The following SYT9 variants were observed in gnomAD, a reference collection of about 807,000 sequenced individuals.
SYT9 encodes synaptotagmin 9.
Under a neutral mutation model 48.4 loss-of-function variants are expected in SYT9, and 22 were observed. The ratio of observed to expected loss-of-function variants is 0.45; its 90% confidence interval spans 0.32 to 0.65. The LOEUF (loss-of-function observed/expected upper bound fraction) is 0.65, where lower values mean the gene tolerates loss of function less well. Ranked by LOEUF, SYT9 falls within the 30% of genes least tolerant of loss-of-function variation. The probability of loss-of-function intolerance (pLI) is 0.03; values close to 1 mark genes in which losing one functional copy is unlikely to be tolerated. For synonymous variants in SYT9, 265 were observed against 245.0 expected, an observed-to-expected ratio of 1.08 and a Z score of -0.76; for missense variants, 577 against 622.0, an observed-to-expected ratio of 0.93 and a Z score of 0.77.
At chr11:7,364,490 A>G (rs78019752) in intron 3 of SYT9, among the ~76,000 whole-genome samples, 4,328 of 152,326 alleles carry the variant, frequency 0.028, 185 homozygotes, top group African/African-American at 0.094. Context: ...ATAAAGAAAC[A>G]AATGTTAAAT....
intron 3 of SYT9, among the ~76,000 whole-genome samples, chr11:7,355,831 C>T (rs116789025): frequency 6.6e-6 from 1 of 152,312 alleles, no homozygotes; most frequent in African/African-American, 2.4e-5. Flanking sequence ...AACTGATCCA[C>T]AGTTGTACTG....
intron 3 of SYT9, among the ~76,000 whole-genome samples, chr11:7,383,134 C>T (rs1453501054): frequency 1.3e-5 from 2 of 152,184 alleles, no homozygotes; most frequent in Non-Finnish European, 2.9e-5. Context: ...CTATTAACGT[C>T]GTCCATGTTA....
chr11:7,455,993 C>T (rs1848145144), intron 6 of SYT9, among the ~76,000 whole-genome samples: 1 of 152,164 alleles, frequency 6.6e-6, no homozygotes, highest in South Asian at 2.1e-4. Context: ...TTAGGTGCCA[C>T]CTCCTCCATG....
chr11:7,246,735 G>A (rs1057055994), intron 1 of SYT9, among the ~76,000 whole-genome samples: 1 of 152,274 alleles, frequency 6.6e-6, no homozygotes, highest in South Asian at 2.1e-4. Flanking sequence ...TTGTGGGTGA[G>A]AAATTTGGTA....
chr11:7,394,149 C>T (rs1477105520), intron 3 of SYT9, among the ~76,000 whole-genome samples: 2 of 143,542 alleles, frequency 1.4e-5, no homozygotes. Context: ...GTGTGATGTT[C>T]CCCTTCCTGT....
chr11:7,313,516 T>C lies in SYT9; in HGVS notation c.619T>C (p.Ser207Pro). 6.2e-7 allele frequency: 1 copy of C among 1,613,974 alleles called. No individual in the cohort carries two copies. Among genetic ancestry groups the C allele is most frequent in the East Asian group, 2.2e-5 (1 of 44,862 alleles). The change falls in exon 3 of 7, where the codon TCA (serine) becomes CCA (proline). Residue 207 changes from serine to proline, a missense_variant. Transcript: ENST00000318881. ...RIKPELYKQRSLDNDDGRRSN... is the reference protein window; with the variant it reads ...RIKPELYKQRPLDNDDGRRSN... Reference sequence around the variant, plus strand: ...TAAACCAGAGTTATATAAGCAGAGGTCATTGGATAATGATGACGGGAGACG... The same window carrying C: ...TAAACCAGAGTTATATAAGCAGAGGCCATTGGATAATGATGACGGGAGACG...
At chr11:7,395,957 G>A (rs920071408) in intron 3 of SYT9, among the ~76,000 whole-genome samples, 1 of 151,946 alleles carries the variant, frequency 6.6e-6, no homozygotes, top group African/African-American at 2.4e-5. Flanking sequence ...ATGTGTTTTT[G>A]TGGTAACAGA....
rs188350556 is a variant in SYT9 at position 7,241,257 on chromosome 11, A to C, written c.49+2341A>C. Among the ~76,000 whole-genome samples the C allele has an allele frequency of 2.2e-3, 314 of 145,502 alleles. 6 individuals carry two copies. The East Asian group carries it at 0.051, about 24-fold the overall frequency. The stretch of plus-strand genomic sequence containing the variant: ...ACACACGCACACACTCACCCCCCCC[A>C]CACACAGCACATATCTTAGAGATCT... On this transcript the variant is annotated intron_variant and NMD_transcript_variant, in intron 1 of 8. Transcript: ENST00000524820.
chr11:7,272,752 G>A (rs1355656569), intron 1 of SYT9, among the ~76,000 whole-genome samples: 1 of 152,218 alleles, frequency 6.6e-6, no homozygotes, highest in African/African-American at 2.4e-5. Flanking sequence ...CTTGGAGGAA[G>A]TGGTGTCAAG....
chr11:7,279,803 T>A (rs1035775460), intron 1 of SYT9, among the ~76,000 whole-genome samples: 1 of 152,224 alleles, frequency 6.6e-6, no homozygotes, highest in Non-Finnish European at 1.5e-5. Context: ...TTTTTATATA[T>A]GATTGTGACC....
intron 3 of SYT9, among the ~76,000 whole-genome samples, chr11:7,393,387 T>C (rs1174744664): frequency 6.6e-6 from 1 of 152,064 alleles, no homozygotes; most frequent in Non-Finnish European, 1.5e-5. Context: ...ATAATTCTGC[T>C]TATATGGCCA....
intron 3 of SYT9, among the ~76,000 whole-genome samples, chr11:7,350,369 G>A (rs79570680): frequency 0.025 from 3,774 of 152,240 alleles, 118 homozygotes; most frequent in African/African-American, 0.067. Context: ...GACTAGCACT[G>A]TCTCCAACAA....
rs1044446523 is a variant in SYT9, at chr11:7,411,313, TTG to T, written c.1045-4723_1045-4722del. Among the ~76,000 whole-genome samples, 117 of 152,308 alleles carry T rather than the reference TTG, an allele frequency of 7.7e-4. 1 individual carries two copies. Among genetic ancestry groups the T allele is most frequent in the African/African-American group, 2.7e-3 (113 of 41,576 alleles). ...CATTTGAATTCTTTCTCTTCCTCAT[TTG>T]TGTGTTTGGTGTACCAGTGAGTTTT... On this transcript the variant is annotated intron_variant, in intron 3 of 6. Transcript: ENST00000318881.
intron 3 of SYT9, among the ~76,000 whole-genome samples, chr11:7,411,471 C>A (rs1328260658): frequency 6.6e-6 from 1 of 152,106 alleles, no homozygotes; most frequent in Admixed American, 6.6e-5. Context: ...CTGGGAAGGA[C>A]TTTTTTTGTG....
intron 3 of SYT9, among the ~76,000 whole-genome samples, chr11:7,333,860 C>T (rs1849587224): frequency 6.6e-6 from 1 of 152,166 alleles, no homozygotes. Flanking sequence ...GGCCCTTACC[C>T]TCTTGGGGCT....
intron 6 of SYT9, among the ~76,000 whole-genome samples, chr11:7,465,286 C>T (rs1263595335): frequency 1.3e-5 from 2 of 152,184 alleles, no homozygotes; most frequent in African/African-American, 2.4e-5. Context: ...CACAATCAAA[C>T]GTGGTTTCCC....
At chr11:7,253,577 G>C (rs1045370722) in intron 1 of SYT9, among the ~76,000 whole-genome samples, 19 of 91,772 alleles carry the variant, frequency 2.1e-4, no homozygotes, top group African/African-American at 5.6e-4. Flanking sequence ...CCTACCAGAG[G>C]CTTTTTTTTC....
Position 7,402,366 on chromosome 11 carries a change from G to A in SYT9, c.1045-13676G>A, listed in dbSNP as rs113047294. The stretch of plus-strand genomic sequence containing the variant: ...CATGTTGATTGATAACATTGTTCAC[G>A]TCTTTTATATTCTTACTTCTTCTCT... On this transcript the variant is annotated intron_variant, in intron 3 of 6. Transcript: ENST00000318881. 1.8e-4 allele frequency among the ~76,000 whole-genome samples: 28 copies of A among 152,124 alleles called. No individual in the cohort carries two copies. The South Asian group carries it at 4.6e-3, about 25-fold the overall frequency.
intron 3 of SYT9, among the ~76,000 whole-genome samples, chr11:7,378,813 A>T (rs1258801032): frequency 1.3e-5 from 2 of 152,104 alleles, no homozygotes; most frequent in Non-Finnish European, 2.9e-5. Flanking sequence ...CGTCTCCCAT[A>T]AACTGCAGGA....
Sources: allele counts gnomAD v4.1 joint callset (sites outside exome capture counted in the v4.1 genomes callset), GRCh38; gene constraint gnomAD v4.1.1; transcripts MANE v1.5; gene names NCBI Gene and HGNC (gene_info 2026-07-23, HGNC 2026-07-21).